The following KHDRBS2 variants were observed in gnomAD, a reference collection of about 807,000 sequenced individuals.
KHDRBS2 encodes the protein KH domain-containing, RNA-binding, signal transduction-associated protein 2.
A neutral mutation model predicts 44.3 loss-of-function variants in KHDRBS2; 26 were observed. The ratio of observed to expected loss-of-function variants is 0.59; its 90% CI spans 0.43 to 0.81. The LOEUF is 0.81. KHDRBS2 is among the 40% of genes least tolerant of loss of function. The pLI is 0.00. For synonymous variants in KHDRBS2, 194 were observed against 151.1 expected (o/e 1.28, Z -2.08); for missense variants, 476 against 433.1 (o/e 1.10, Z -0.88).
At chr6:62,230,346 C>T (rs1305624759) in intron 1 of KHDRBS2, among the ~76,000 whole-genome samples, 5 of 152,138 alleles carry the variant, frequency 3.3e-5, no homozygotes, top group African/African-American at 4.8e-5. Flanking sequence ...CATTAAGTGA[C>T]TCATAGGCTC....
chr6:61,670,788 ATTAATG>A, the KHDRBS2 span, among the ~76,000 whole-genome samples: 53,115 of 151,030 alleles, frequency 0.35, 10,089 homozygotes, highest in East Asian at 0.49. Context: ...GAGATTACAT[ATTAATG>A]TTAACAGTTG....
chr6:61,954,530 A>T (rs1261954499), intron 4 of KHDRBS2, among the ~76,000 whole-genome samples: 4 of 148,070 alleles, frequency 2.7e-5, no homozygotes. Flanking sequence ...ACACATACAT[A>T]CGTATGTATA....
At chr6:62,249,246 C>G (rs114318337) in intron 1 of KHDRBS2, among the ~76,000 whole-genome samples, 1 of 152,038 alleles carries the variant, frequency 6.6e-6, no homozygotes, top group Non-Finnish European at 1.5e-5. Flanking sequence ...TTCACCGTAT[C>G]TATAGTCACA....
intron 6 of KHDRBS2, among the ~76,000 whole-genome samples, chr6:61,887,724 T>G (rs1801176472): frequency 6.6e-6 from 1 of 152,302 alleles, no homozygotes; most frequent in Admixed American, 6.5e-5. Context: ...CTAAGAAATT[T>G]TATCTGAAAG....
At chr6:62,282,380 A>G (rs1407386514) in intron 1 of KHDRBS2, among the ~76,000 whole-genome samples, 1 of 152,186 alleles carries the variant, frequency 6.6e-6, no homozygotes, top group African/African-American at 2.4e-5. Context: ...AATATTTGAC[A>G]TCGTCATATA....
At chr6:62,149,024 C>T (rs1814529012) in intron 2 of KHDRBS2, among the ~76,000 whole-genome samples, 2 of 152,028 alleles carry the variant, frequency 1.3e-5, no homozygotes, top group South Asian at 2.1e-4. Flanking sequence ...TGCCCTATTT[C>T]CTTTAAATAT....
intron 3 of KHDRBS2, among the ~76,000 whole-genome samples, chr6:62,002,163 T>C (rs555029643): frequency 5.2e-4 from 77 of 149,374 alleles, no homozygotes; most frequent in Non-Finnish European, 9.1e-4. Context: ...TTATGGGCAT[T>C]AAGAAGCATA....
chr6:61,867,710 C>A (rs1797992283), intron 6 of KHDRBS2, among the ~76,000 whole-genome samples: 1 of 152,166 alleles, frequency 6.6e-6, no homozygotes, highest in Non-Finnish European at 1.5e-5. Context: ...AGGGCTGCTG[C>A]CGTTTGCTGG....
At chr6:61,711,231 C>T (rs1289623973) in intron 7 of KHDRBS2, among the ~76,000 whole-genome samples, 1 of 151,676 alleles carries the variant, frequency 6.6e-6, no homozygotes, top group Non-Finnish European at 1.5e-5. Flanking sequence ...GGAACTTTAA[C>T]TACCAGTCAA....
At chr6:61,726,940 A>T (rs962599262) in intron 7 of KHDRBS2, among the ~76,000 whole-genome samples, 2 of 152,190 alleles carry the variant, frequency 1.3e-5, no homozygotes, top group African/African-American at 4.8e-5. Flanking sequence ...TTCATATGGA[A>T]CCAAAAAAGA....
intron 1 of KHDRBS2, among the ~76,000 whole-genome samples, chr6:62,178,302 T>C (rs1821554838): frequency 6.6e-6 from 1 of 151,516 alleles, no homozygotes; most frequent in African/African-American, 2.4e-5. Context: ...GCTCTTGGAA[T>C]AGAAGAAGCA....
At chr6:62,004,912 C>A (rs990681921) in intron 3 of KHDRBS2, among the ~76,000 whole-genome samples, 2 of 152,002 alleles carry the variant, frequency 1.3e-5, no homozygotes, top group African/African-American at 4.8e-5. Flanking sequence ...AAGACAAAAA[C>A]CACATGATTT....
intron 3 of KHDRBS2, among the ~76,000 whole-genome samples, chr6:62,000,183 A>T (rs1777985729): frequency 6.6e-6 from 1 of 152,114 alleles, no homozygotes; most frequent in South Asian, 2.1e-4. Context: ...GACATAAAAC[A>T]TGCTTCCTAT....
chr6:62,224,557 T>C (rs1385863022), intron 1 of KHDRBS2, among the ~76,000 whole-genome samples: 1 of 152,198 alleles, frequency 6.6e-6, no homozygotes, highest in East Asian at 1.9e-4. Flanking sequence ...AAATGTAATA[T>C]CATTTTTCGC....
chr6:62,092,230 C>T (rs539275366), intron 2 of KHDRBS2, among the ~76,000 whole-genome samples: 1 of 152,040 alleles, frequency 6.6e-6, no homozygotes, highest in South Asian at 2.1e-4. Context: ...GGTTTGACGC[C>T]TGCAACCCCA....
intron 6 of KHDRBS2, among the ~76,000 whole-genome samples, chr6:61,800,681 A>G (rs1008999081): frequency 6.6e-6 from 1 of 151,996 alleles, no homozygotes. Context: ...CAGGCAGGGG[A>G]CATAGCCTTC....
rs1260676003 is a variant in KHDRBS2, at chr6:61,945,100, AAAAAAAAAAAAAGT to A, written c.483+32952_483+32965del. 2.5e-4 allele frequency among the ~76,000 whole-genome samples: 13 copies of A among 52,476 alleles called. 1 individual carries two copies. The highest frequency in any genetic ancestry group is 4.5e-4 in the Non-Finnish European group (12 of 26,392). The allele number at this position is 52,476 out of a possible 152,430, so 34.4% of individuals were successfully genotyped here. A position where few individuals can be genotyped will look rare whatever the true frequency, so the allele number is the denominator to read the frequency against. ...AGTGAGACTCTGTCTTAAAAAAAAAAAAAAAAAAAAAAGTATATATATATATATATATATATATA... is the reference window on the plus strand; with the variant it reads ...AGTGAGACTCTGTCTTAAAAAAAAAAATATATATATATATATATATATATA... On this transcript the variant is annotated intron_variant, in intron 4 of 8. Transcript: ENST00000281156.
intron 2 of KHDRBS2, among the ~76,000 whole-genome samples, chr6:62,149,700 T>G (rs1385332308): frequency 5.3e-5 from 8 of 152,202 alleles, no homozygotes; most frequent in Non-Finnish European, 1.0e-4. Flanking sequence ...GACAGTCATT[T>G]TATAGCTAAG....
the KHDRBS2 span, among the ~76,000 whole-genome samples, chr6:61,551,343 C>T: frequency 6.6e-6 from 1 of 151,942 alleles, no homozygotes; most frequent in Non-Finnish European, 1.5e-5. Context: ...ATAATTTCTT[C>T]TGCTGTACAG....
Sources: allele counts gnomAD v4.1 joint callset (sites outside exome capture counted in the v4.1 genomes callset), GRCh38; gene constraint gnomAD v4.1.1; transcripts MANE v1.5; gene names NCBI Gene and HGNC (gene_info 2026-07-23, HGNC 2026-07-21).